Variants in PRKN observed in about 807,000 individuals in gnomAD.
PRKN encodes E3 ubiquitin-protein ligase parkin.
A neutral mutation model predicts 59.5 loss-of-function variants in PRKN; 56 were observed. The ratio of observed to expected loss-of-function variants is 0.94; its 90% CI spans 0.76 to 1.18. The LOEUF is 1.18. Ranked by LOEUF, PRKN falls within the 50% of genes most tolerant of loss-of-function variation. The probability of loss-of-function intolerance (pLI) is 0.00; values close to 1 mark genes in which losing one functional copy is unlikely to be tolerated. For missense variants in PRKN, 657 were observed against 596.4 expected (o/e 1.10, Z -1.06); for synonymous variants, 250 against 222.1 (o/e 1.13, Z -1.12).
At chr6:162,493,703 CCTTTGA>C (rs1792922767) in intron 1 of PRKN, among the ~76,000 whole-genome samples, 1 of 152,160 alleles carries the variant, frequency 6.6e-6, no homozygotes. Flanking sequence ...GTTATTTCAT[CCTTTGA>C]CGAAAGCGTC....
At chr6:162,341,186 G>A (rs922029149) in intron 2 of PRKN, among the ~76,000 whole-genome samples, 1 of 152,122 alleles carries the variant, frequency 6.6e-6, no homozygotes, top group Non-Finnish European at 1.5e-5. Context: ...TTAGAGAAAT[G>A]CAAATCAAAA....
Position 161,352,088 on chromosome 6 carries a change from G to A in PRKN, c.1286-1877C>T, listed in dbSNP as rs1186527803. 2.0e-5 allele frequency among the ~76,000 whole-genome samples: 3 copies of A among 152,126 alleles called. No individual in the cohort carries two copies. Among genetic ancestry groups the A allele is most frequent in the East Asian group, 3.9e-4 (2 of 5,194 alleles). On this transcript the variant is annotated intron_variant, in intron 11 of 11. Transcript: ENST00000366898. This position sits in a 1 kb window ranked among gnomAD's most constrained non-coding sequence, Gnocchi z 5.8. The stretch of plus-strand genomic sequence containing the variant: ...CTGTCCAAATTTCCTGGAAAACCCC[G>A]GCAAACGCAGTTTCTTTGCTTGAAT...
intron 7 of PRKN, among the ~76,000 whole-genome samples, chr6:161,689,185 TACACACAC>T (rs34193135): frequency 0.015 from 2,114 of 144,260 alleles, 43 homozygotes; most frequent in African/African-American, 0.041. Context: ...AATTAAATTG[TACACACAC>T]ACACACACAC....
At chr6:162,227,940 A>G (rs1035349830) in intron 3 of PRKN, among the ~76,000 whole-genome samples, 9 of 152,126 alleles carry the variant, frequency 5.9e-5, no homozygotes, top group African/African-American at 2.2e-4. Context: ...CATTAAAAAA[A>G]AAAAAAAAAC....
chr6:162,576,586 T>C (rs1255357994), intron 1 of PRKN, among the ~76,000 whole-genome samples: 4 of 151,922 alleles, frequency 2.6e-5, no homozygotes, highest in Non-Finnish European at 5.9e-5. Flanking sequence ...CCAAGGTGGG[T>C]GGAGTATTTG....
At chr6:162,229,520 T>A (rs1370692398) in intron 3 of PRKN, among the ~76,000 whole-genome samples, 1 of 152,160 alleles carries the variant, frequency 6.6e-6, no homozygotes, top group East Asian at 1.9e-4. Flanking sequence ...GAAACATGAA[T>A]TAGAGCCCAT....
chr6:162,692,318 T>C (rs1221969319), intron 1 of PRKN, among the ~76,000 whole-genome samples: 13 of 152,168 alleles, frequency 8.5e-5, no homozygotes, highest in Non-Finnish European at 7.4e-5. Context: ...AAAGAAAAGA[T>C]TGGCTCTTGA....
intron 7 of PRKN, among the ~76,000 whole-genome samples, chr6:161,682,639 G>A (rs1042520330): frequency 1.3e-5 from 2 of 152,122 alleles, no homozygotes; most frequent in Non-Finnish European, 1.5e-5. Flanking sequence ...CAGGAGAAGG[G>A]CCCTGGAGGT....
intron 1 of PRKN, among the ~76,000 whole-genome samples, chr6:162,454,800 C>G (rs1790789937): frequency 6.6e-6 from 1 of 152,230 alleles, no homozygotes; most frequent in Admixed American, 6.5e-5. Context: ...TCAATCTCCC[C>G]CACGGTGGCT....
chr6:161,600,301 C>A (rs995944130), intron 7 of PRKN, among the ~76,000 whole-genome samples: 1 of 152,142 alleles, frequency 6.6e-6, no homozygotes, highest in African/African-American at 2.4e-5. Flanking sequence ...CCTCTCTGAA[C>A]GGTCTTCCTT....
chr6:161,984,464 G>A (rs1488021035), intron 5 of PRKN, among the ~76,000 whole-genome samples: 1 of 151,982 alleles, frequency 6.6e-6, no homozygotes, highest in Non-Finnish European at 1.5e-5. Flanking sequence ...TGCCATGTTG[G>A]CCAGGATGGT....
intron 9 of PRKN, among the ~76,000 whole-genome samples, chr6:161,387,170 C>T (rs959322580): frequency 2.0e-5 from 3 of 151,944 alleles, no homozygotes; most frequent in East Asian, 1.9e-4. Context: ...TGGCTGTGTC[C>T]CCACCCAAAT....
chr6:162,626,396 C>G (rs1782896149), intron 1 of PRKN, among the ~76,000 whole-genome samples: 1 of 152,190 alleles, frequency 6.6e-6, no homozygotes, highest in South Asian at 2.1e-4. Context: ...AAGGAAGACA[C>G]TGTGCCCTTG....
At chr6:162,081,141 T>C (rs1463101214) in intron 4 of PRKN, among the ~76,000 whole-genome samples, 1 of 152,072 alleles carries the variant, frequency 6.6e-6, no homozygotes, top group African/African-American at 2.4e-5. Context: ...CTTAAAGTCA[T>C]CCATGAGGGT....
chr6:161,515,738 C>T (rs753117822), intron 9 of PRKN, among the ~76,000 whole-genome samples: 7 of 152,208 alleles, frequency 4.6e-5, no homozygotes, highest in Non-Finnish European at 1.0e-4. Flanking sequence ...ATGGCATCCA[C>T]TTTCCAGTGG....
chr6:162,212,758 G>A (rs1162487509), intron 3 of PRKN, among the ~76,000 whole-genome samples: 3 of 152,200 alleles, frequency 2.0e-5, no homozygotes, highest in Non-Finnish European at 4.4e-5. Context: ...CTAGTACACA[G>A]CTGGGCCCTA....
intron 9 of PRKN, among the ~76,000 whole-genome samples, chr6:161,392,718 T>C (rs1279200027): frequency 1.3e-5 from 2 of 151,770 alleles, no homozygotes; most frequent in East Asian, 3.9e-4. Flanking sequence ...GCCACACTTT[T>C]AACTTAATTC....
In PRKN at chr6:161,760,004, T is replaced by A. The variant is rs192948654; in HGVS notation, c.871+25768A>T. On this transcript the variant is annotated intron_variant, in intron 7 of 11. Transcript: ENST00000366898. ...ATGCAACCGATTGAACCACAAATAA[T>A]ACTTCTCAATCAAATGGCCTTTTAT... Among the ~76,000 whole-genome samples, 530 of 151,806 alleles carry A rather than the reference T, an allele frequency of 3.5e-3. 6 individuals carry two copies. Among genetic ancestry groups the A allele is most frequent in the Non-Finnish European group, 4.8e-3 (324 of 67,970 alleles).
intron 3 of PRKN, among the ~76,000 whole-genome samples, chr6:162,257,632 C>T (rs951528930): frequency 6.6e-6 from 1 of 152,060 alleles, no homozygotes; most frequent in Non-Finnish European, 1.5e-5. Flanking sequence ...ACATGGTCTA[C>T]CTTACAAGGC....
Sources: allele counts gnomAD v4.1 joint callset (sites outside exome capture counted in the v4.1 genomes callset), GRCh38; gene constraint gnomAD v4.1.1; non-coding constraint Gnocchi (gnomAD v3.1); transcripts MANE v1.5; gene names NCBI Gene and HGNC (gene_info 2026-07-23, HGNC 2026-07-21).